The following TEX2 variants were observed in gnomAD, a reference collection of about 807,000 sequenced individuals.
TEX2 encodes testis-expressed protein 2.
A neutral mutation model predicts 106.9 loss-of-function variants in TEX2; 53 were observed. The observed-to-expected ratio is 0.50, with a 90% CI of 0.40 to 0.62. The LOEUF (loss-of-function observed/expected upper bound fraction) is 0.62, where lower values mean the gene tolerates loss of function less well. Ranked by LOEUF, TEX2 falls within the 20% of genes least tolerant of loss-of-function variation. The probability of loss-of-function intolerance (pLI) is 0.00; values close to 1 mark genes in which losing one functional copy is unlikely to be tolerated. For synonymous variants in TEX2, 523 were observed against 534.8 expected (o/e 0.98, Z 0.30); for missense variants, 1,207 against 1,379.0 (o/e 0.88, Z 1.98).
intron 2 of TEX2, among the ~76,000 whole-genome samples, chr17:64,201,762 A>G (rs148588883): frequency 3.3e-4 from 50 of 152,270 alleles, no homozygotes; most frequent in African/African-American, 1.1e-3. Flanking sequence ...CTCTCCCATC[A>G]CTGTATCTGT....
rs371048722 is a variant in TEX2, at chr17:64,238,114, A to G, written c.-25-23872T>C. Among the ~76,000 whole-genome samples, 119 of 152,262 alleles carry G rather than the reference A, an allele frequency of 7.8e-4. 1 individual carries two copies. The South Asian group carries it at 0.012, about 15-fold the overall frequency. Reference sequence around the variant, plus strand: ...CAGGAGTTCGAGACCAGCCTGGCCAACATGGTGAAACCCCGTCTCTACTAA... The same window carrying G: ...CAGGAGTTCGAGACCAGCCTGGCCAGCATGGTGAAACCCCGTCTCTACTAA... On this transcript the variant is annotated intron_variant, in intron 1 of 11. Coordinates refer to ENST00000584379, the MANE Select transcript of TEX2 (RefSeq NM_001288732.2).
intron 5 of TEX2, among the ~76,000 whole-genome samples, chr17:64,181,471 TCAAAAAAAAAAAAA>T (rs2031857249): frequency 1.7e-5 from 2 of 117,434 alleles, no homozygotes; most frequent in African/African-American, 6.5e-5. Context: ...CAAGGCTATC[TCAAAAAAAAAAAAA>T]AAAAAAAAAA....
intron 7 of TEX2, among the ~76,000 whole-genome samples, chr17:64,167,680 A>G (rs888769301): frequency 3.3e-5 from 5 of 152,140 alleles, no homozygotes; most frequent in African/African-American, 1.2e-4. Context: ...TTAGCCAGTC[A>G]TGGTGGCAGG....
intron 10 of TEX2, 52 bp from the exon 11 acceptor site, chr17:64,151,013 C>T (rs1297204219): frequency 1.9e-6 from 3 of 1,593,192 alleles, no homozygotes; most frequent in East Asian, 4.5e-5. Context: ...AGGAATGAGA[C>T]AGGCACTGAC....
rs781863493 is a variant in TEX2 at position 64,214,095 on chromosome 17, G to A, written c.123C>T (p.Ser41=). 63 of 1,613,986 alleles carry A rather than the reference G, an allele frequency of 3.9e-5. No individual in the cohort carries two copies. Among genetic ancestry groups the A allele is most frequent in the Admixed American group, 2.5e-4 (15 of 59,996 alleles). Residue 41 remains serine (S), a synonymous_variant, in exon 2 of 12, where the codon TCC becomes TCT. Transcript: ENST00000584379. ...CCTCCTCTTCCTCCTCCTCCTCGCCGGATGCCGAGAAGTGAATGGCGATGG... is the reference window on the plus strand; with the variant it reads ...CCTCCTCTTCCTCCTCCTCCTCGCCAGATGCCGAGAAGTGAATGGCGATGG... ...RDTIAIHFSA[S]GEEEEEEEEE...
At chr17:64,199,764 T>C (rs1006587541) in intron 2 of TEX2, among the ~76,000 whole-genome samples, 3 of 152,254 alleles carry the variant, frequency 2.0e-5, no homozygotes, top group Non-Finnish European at 4.4e-5. Flanking sequence ...CTAGCTACAC[T>C]TCAAGGGCTC....
At chr17:64,236,953 T>A (rs2033783198) in intron 1 of TEX2, among the ~76,000 whole-genome samples, 1 of 152,142 alleles carries the variant, frequency 6.6e-6, no homozygotes, top group Non-Finnish European at 1.5e-5. Flanking sequence ...TTGTTTCCTG[T>A]CTTATAATTT....
intron 2 of TEX2, among the ~76,000 whole-genome samples, chr17:64,211,690 G>A (rs1305755648): frequency 2.0e-5 from 3 of 151,728 alleles, no homozygotes; most frequent in Non-Finnish European, 4.4e-5. Context: ...AACATTCATC[G>A]ATTTTGGTAT....
chr17:64,161,614 A>G (rs1448435450), intron 7 of TEX2, among the ~76,000 whole-genome samples: 1 of 152,190 alleles, frequency 6.6e-6, no homozygotes, highest in Non-Finnish European at 1.5e-5. Context: ...TAGGAAAGAT[A>G]CTATGCCAAT....
At chr17:64,175,440 G>A (rs1322458367) in intron 6 of TEX2, among the ~76,000 whole-genome samples, 1 of 152,176 alleles carries the variant, frequency 6.6e-6, no homozygotes, top group Non-Finnish European at 1.5e-5. Context: ...GTGCCTCCAT[G>A]ATTATCAACG....
chr17:64,239,096 T>C (rs1032775648), intron 1 of TEX2: 3 of 152,226 alleles, frequency 2.0e-5, no homozygotes, highest in Middle Eastern at 3.2e-3. Flanking sequence ...TAATTTGCCA[T>C]GGCATAACTA....
At chr17:64,222,474 C>T (rs1370770636) in intron 1 of TEX2, among the ~76,000 whole-genome samples, 3 of 146,676 alleles carry the variant, frequency 2.0e-5, no homozygotes, top group East Asian at 2.0e-4. Flanking sequence ...GCTGAGATCG[C>T]GCCACTGCAC....
In TEX2 at chr17:64,177,490, C is replaced by T. The variant is rs1423903124; in HGVS notation, c.2425-19G>A. 6 of 1,609,178 alleles carry T rather than the reference C, an allele frequency of 3.7e-6. No individual in the cohort carries two copies. The highest frequency in any genetic ancestry group is 5.1e-6 in the Non-Finnish European group (6 of 1,178,676). On this transcript the variant is annotated intron_variant, in intron 5 of 11. Transcript: ENST00000584379. ...CTGGCAACTGGCAAAAGAAAAGGGA[C>T]CAAAATTAGCTAGAAAGCAACTGGA...
At chr17:64,222,576 T>C (rs1328883153) in intron 1 of TEX2, among the ~76,000 whole-genome samples, 2 of 147,920 alleles carry the variant, frequency 1.4e-5, no homozygotes, top group African/African-American at 2.5e-5. Flanking sequence ...TGCTTAAGGC[T>C]AGGAGTTTGA....
At chr17:64,190,348 C>G (rs1028236079) in intron 4 of TEX2, among the ~76,000 whole-genome samples, 1 of 151,754 alleles carries the variant, frequency 6.6e-6, no homozygotes, top group African/African-American at 2.4e-5. Flanking sequence ...GTAGAAAAAC[C>G]AGTGAAATCC....
chr17:64,258,307 A>C (rs1555638035), intron 1 of TEX2, among the ~76,000 whole-genome samples: 1 of 152,188 alleles, frequency 6.6e-6, no homozygotes, highest in African/African-American at 2.4e-5. Context: ...TAGGAAAAAA[A>C]CGTGGTGTAT....
rs2030539229 is a variant in TEX2, at chr17:64,154,853, T to C, written c.2919A>G (p.Pro973=). 1.2e-6 allele frequency: 2 copies of C among 1,605,302 alleles called. No individual in the cohort carries two copies. Among genetic ancestry groups the C allele is most frequent in the African/African-American group, 1.3e-5 (1 of 74,534 alleles). ...ACTGATCCACTCACCCTTCAGCCCC[T>C]GGGAGGAGCTGTTTGTCTCCCCCGC... ...EPSGGDKQLL[P]GAEGYVGGHR... Residue 973 remains proline (P), a synonymous_variant, in exon 9 of 12, where the codon CCA becomes CCG. Coordinates refer to ENST00000584379, the MANE Select transcript of TEX2 (RefSeq NM_001288732.2).
chr17:64,159,166 G>A (rs768196841), intron 8 of TEX2, among the ~76,000 whole-genome samples: 1 of 152,132 alleles, frequency 6.6e-6, no homozygotes, highest in Non-Finnish European at 1.5e-5. Flanking sequence ...CTCAGGGACC[G>A]GCCTGGTTGC....
Position 64,213,940 on chromosome 17 carries a change from A to T in TEX2, c.278T>A (p.Val93Asp). 1 of 1,614,222 alleles carries T rather than the reference A, an allele frequency of 6.2e-7. No homozygotes were observed. The highest frequency in any genetic ancestry group is 8.5e-7 in the Non-Finnish European group (1 of 1,180,048). ...GGACACGGACAGTCCATCTGCCAGGACAGGCGAGGCAGCAGGGCCGGCGGG... is the reference window on the plus strand; with the variant it reads ...GGACACGGACAGTCCATCTGCCAGGTCAGGCGAGGCAGCAGGGCCGGCGGG... ...HDPAGPAASP[V>D]LADGLSVSQA... The change falls in exon 2 of 12, where the codon GTC becomes GAC. Residue 93 changes from valine to aspartate, a missense_variant. Around this residue, in one of 3 missense-constraint regions of TEX2, gnomAD observed 1,067 missense variants for 1,193.6 expected, o/e 0.89. Coordinates refer to ENST00000584379, the MANE Select transcript of TEX2 (RefSeq NM_001288732.2). The surrounding 1 kb of genome is among the most constrained non-coding windows in gnomAD (Gnocchi z 4.4).
Sources: gnomAD v4.1 joint callset for allele counts (sites outside exome capture counted in the v4.1 genomes callset) on GRCh38, gnomAD v4.1.1 for gene constraint, gnomAD v4.1.1 regional missense constraint, Gnocchi (gnomAD v3.1) non-coding constraint, MANE v1.5 for transcripts, NCBI Gene and HGNC (gene_info 2026-07-23, HGNC 2026-07-21) for gene names.